KCNAB1: variants seen among roughly 807,000 people sequenced by gnomAD.
The protein encoded by KCNAB1 is voltage-gated potassium channel subunit beta-1.
Under a neutral mutation model 64.6 loss-of-function variants are expected in KCNAB1, and 35 were observed. That is an observed-to-expected ratio of 0.54 (90% CI 0.41 to 0.72). KCNAB1 has a LOEUF of 0.72. Among genes scored for constraint, KCNAB1 ranks in the 30% least tolerant of loss-of-function variants. The pLI is 0.00. For missense variants in KCNAB1, 401 were observed against 512.9 expected, an observed-to-expected ratio of 0.78 and a Z score of 2.11; for synonymous variants, 177 against 183.8, an observed-to-expected ratio of 0.96 and a Z score of 0.30.
intron 1 of KCNAB1, among the ~76,000 whole-genome samples, chr3:156,235,095 T>A (rs1227225277): frequency 6.6e-6 from 1 of 152,160 alleles, no homozygotes; most frequent in Non-Finnish European, 1.5e-5. Flanking sequence ...CAGCCTTGAG[T>A]GCAAGATTCA....
At chr3:156,260,369 G>A (rs1026076911) in intron 1 of KCNAB1, among the ~76,000 whole-genome samples, 4 of 152,000 alleles carry the variant, frequency 2.6e-5, no homozygotes, top group African/African-American at 2.4e-5. Context: ...AACAAAATCA[G>A]TTTTATGATA....
chr3:156,176,978 C>T (rs1712421829), intron 1 of KCNAB1: 4 of 655,874 alleles, frequency 6.1e-6, no homozygotes, highest in East Asian at 5.1e-5. Context: ...CCACTTCCTC[C>T]GTGGAGCTCT....
At chr3:156,367,173 T>C (rs1163493875) in intron 1 of KCNAB1, among the ~76,000 whole-genome samples, 3 of 59,412 alleles carry the variant, frequency 5.0e-5, no homozygotes, top group Admixed American at 2.6e-4. Context: ...TAATCTACCT[T>C]TTTTTTTTTT....
At chr3:156,334,926 C>G (rs917549665) in intron 1 of KCNAB1, among the ~76,000 whole-genome samples, 4 of 152,230 alleles carry the variant, frequency 2.6e-5, no homozygotes, top group Admixed American at 2.0e-4. Context: ...TGTATCAATA[C>G]TGCCATCATT....
intron 1 of KCNAB1, among the ~76,000 whole-genome samples, chr3:156,222,235 A>G (rs181431127): frequency 1.3e-5 from 2 of 152,354 alleles, no homozygotes; most frequent in African/African-American, 4.8e-5. Flanking sequence ...GGCGGGAAGA[A>G]GATATTCCCT....
At chr3:156,337,259 A>G (rs902430553) in intron 1 of KCNAB1, among the ~76,000 whole-genome samples, 4 of 152,232 alleles carry the variant, frequency 2.6e-5, no homozygotes, top group African/African-American at 9.6e-5. Flanking sequence ...GGAGTGAGGA[A>G]GTTGCTATTT....
At chr3:156,353,263 CT>C (rs1258041909) in intron 1 of KCNAB1, among the ~76,000 whole-genome samples, 5 of 152,160 alleles carry the variant, frequency 3.3e-5, no homozygotes, top group African/African-American at 4.8e-5. Flanking sequence ...CCTTTTCTCT[CT>C]CCTTCTCTCC....
intron 8 of KCNAB1, among the ~76,000 whole-genome samples, chr3:156,480,684 TAA>T (rs1714729559): frequency 6.6e-6 from 1 of 152,134 alleles, no homozygotes; most frequent in African/African-American, 2.4e-5. Flanking sequence ...TTTTCCCTAC[TAA>T]GTCTTTGAAA....
At chr3:156,519,832 T>G (rs1212011175) in intron 11 of KCNAB1, among the ~76,000 whole-genome samples, 1 of 152,214 alleles carries the variant, frequency 6.6e-6, no homozygotes. Flanking sequence ...AAAGCAATCT[T>G]TTCTTTACCA....
intron 1 of KCNAB1, among the ~76,000 whole-genome samples, chr3:156,238,579 A>G (rs1200732771): frequency 1.3e-5 from 2 of 152,226 alleles, no homozygotes; most frequent in East Asian, 3.8e-4. Context: ...AAATGATTCT[A>G]CAATTAGCTC....
intron 1 of KCNAB1, among the ~76,000 whole-genome samples, chr3:156,189,911 A>G (rs1474915757): frequency 6.6e-6 from 1 of 152,178 alleles, no homozygotes; most frequent in African/African-American, 2.4e-5. Flanking sequence ...AATATCTTCC[A>G]GATTCTGATA....
intron 13 of KCNAB1, among the ~76,000 whole-genome samples, chr3:156,532,726 CCTA>C (rs1718787234): frequency 6.6e-6 from 1 of 152,222 alleles, no homozygotes; most frequent in Admixed American, 6.5e-5. Context: ...CCCCATAACT[CCTA>C]CTGGATTCTG....
chr3:156,439,833 C>A (rs1716869772), intron 2 of KCNAB1, among the ~76,000 whole-genome samples: 1 of 152,176 alleles, frequency 6.6e-6, no homozygotes, highest in Admixed American at 6.5e-5. Context: ...CTTTATTCTA[C>A]CATCATAACT....
At chr3:156,214,964 C>T (rs764230011) in intron 1 of KCNAB1, among the ~76,000 whole-genome samples, 2 of 152,142 alleles carry the variant, frequency 1.3e-5, no homozygotes, top group Non-Finnish European at 1.5e-5. Flanking sequence ...ATTCCTTATC[C>T]ACCTCTAGTA....
At chr3:156,439,401 A>G (rs1404355543) in intron 2 of KCNAB1, among the ~76,000 whole-genome samples, 2 of 152,216 alleles carry the variant, frequency 1.3e-5, no homozygotes, top group African/African-American at 4.8e-5. Context: ...AATAAAATAA[A>G]TAATTTCAGA....
chr3:156,144,017 TTAAC>T (rs1401183349), intron 1 of KCNAB1, among the ~76,000 whole-genome samples: 1 of 152,104 alleles, frequency 6.6e-6, no homozygotes, highest in Non-Finnish European at 1.5e-5. Context: ...TTATGAAAGA[TTAAC>T]AAAAAGGAGA....
At chr3:156,449,353 T>A (rs13316218) in intron 2 of KCNAB1, among the ~76,000 whole-genome samples, 13,429 of 152,224 alleles carry the variant, frequency 0.088, 1,585 homozygotes, top group African/African-American at 0.27. Flanking sequence ...TAAACACTTA[T>A]GCCAGGAGGG....
chr3:156,317,487 T>C (rs1211163168), intron 1 of KCNAB1, among the ~76,000 whole-genome samples: 1 of 152,148 alleles, frequency 6.6e-6, no homozygotes, highest in Non-Finnish European at 1.5e-5. Context: ...TCATTGTGGG[T>C]GTAGATGTGT....
chr3:156,387,135 G>A (rs1445848127), intron 1 of KCNAB1, among the ~76,000 whole-genome samples: 1 of 151,368 alleles, frequency 6.6e-6, no homozygotes. Flanking sequence ...CAGGGCAGAT[G>A]TGGCCAGGGT....
Sources: allele counts gnomAD v4.1 joint callset (sites outside exome capture counted in the v4.1 genomes callset), GRCh38; gene constraint gnomAD v4.1.1; transcripts MANE v1.5; gene names NCBI Gene and HGNC (gene_info 2026-07-23, HGNC 2026-07-21).